CSRP3: variants seen among roughly 807,000 people sequenced by gnomAD.
CSRP3 encodes the protein cysteine and glycine-rich protein 3.
Under a neutral mutation model 24.3 loss-of-function variants are expected in CSRP3, and 24 were observed. The ratio of observed to expected loss-of-function variants is 0.99; its 90% CI spans 0.71 to 1.39. The LOEUF (loss-of-function observed/expected upper bound fraction) is 1.39, where lower values mean the gene tolerates loss of function less well. Ranked by LOEUF, CSRP3 falls within the 40% of genes most tolerant of loss-of-function variation. The pLI, the probability that CSRP3 is intolerant of heterozygous loss-of-function variation, is 0.00. For missense variants in CSRP3, 240 were observed against 249.0 expected (o/e 0.96, Z 0.24); for synonymous variants, 105 against 94.0 (o/e 1.12, Z -0.68).
chr11:19,198,322 A>G (rs532487413), intron 1 of CSRP3, among the ~76,000 whole-genome samples: 1 of 152,116 alleles, frequency 6.6e-6, no homozygotes, highest in Non-Finnish European at 1.5e-5. Context: ...CACCTCCATC[A>G]CCCAGACTTC....
chr11:19,188,655 TGG>T, intron 2 of CSRP3, among the ~76,000 whole-genome samples: 1 of 150,744 alleles, frequency 6.6e-6, no homozygotes. Flanking sequence ...TGTGTGTTTG[TGG>T]GCGCGCGCGT....
In CSRP3 at chr11:19,188,140, G is replaced by C; in HGVS notation, c.277C>G (p.Gln93Glu). 1 of 1,614,186 alleles carries C rather than the reference G, an allele frequency of 6.2e-7. No homozygotes were observed. The highest frequency in any genetic ancestry group is 8.5e-7 in the Non-Finnish European group (1 of 1,180,036). The change falls in exon 3 of 6, where the codon CAA (glutamine) becomes GAA (glutamate). Residue 93 changes from glutamine (Q) to glutamate (E), a missense_variant. Gln to Glu is a conservative substitution (Grantham distance 29). Transcript: ENST00000265968. ...DTGEHLGLQFQQSPKPARSVT... is the reference protein window; with the variant it reads ...DTGEHLGLQFEQSPKPARSVT... ...GGGAGCAGGGCAGTAACTCACTGTT[G>C]GAACTGCAGGCCGAGATGCTCGCCC...
At chr11:19,190,776 G>A (rs1850600970) in intron 2 of CSRP3, among the ~76,000 whole-genome samples, 2 of 152,162 alleles carry the variant, frequency 1.3e-5, no homozygotes, top group African/African-American at 4.8e-5. Flanking sequence ...TAATAATATA[G>A]AAAAGTGTGC....
At chr11:19,200,484 C>G (rs1425580450) in intron 1 of CSRP3, among the ~76,000 whole-genome samples, 2 of 152,180 alleles carry the variant, frequency 1.3e-5, no homozygotes, top group Admixed American at 1.3e-4. Context: ...CTCCCTCCCT[C>G]CTTCTCTCTT....
At chr11:19,194,506 G>C (rs1382408447) in intron 1 of CSRP3, among the ~76,000 whole-genome samples, 1 of 152,038 alleles carries the variant, frequency 6.6e-6, no homozygotes, top group Non-Finnish European at 1.5e-5. Context: ...TGAGGCCCCT[G>C]TCTCTACCCC....
intron 2 of CSRP3, among the ~76,000 whole-genome samples, chr11:19,189,628 G>A (rs1159861934): frequency 8.5e-5 from 13 of 152,134 alleles, no homozygotes; most frequent in Non-Finnish European, 1.3e-4. Context: ...ATTGAATATG[G>A]GAGTGGAGGA....
chr11:19,193,963 A>AGGGGAGCTGCATTTTCACT (rs1850656127), intron 1 of CSRP3, among the ~76,000 whole-genome samples: 1 of 152,216 alleles, frequency 6.6e-6, no homozygotes, highest in Non-Finnish European at 1.5e-5. Context: ...TCAGCTGCCC[A>AGGGGAGCTGCATTTTCACT]GGGGAGCTGC....
At chr11:19,186,155 T>G in intron 4 of CSRP3, 61 bp downstream of exon 4, 1 of 1,611,864 alleles carries the variant, frequency 6.2e-7, no homozygotes, top group Non-Finnish European at 8.5e-7. Context: ...TTTCTCTCAT[T>G]CCTCCCAAAT....
intron 1 of CSRP3, among the ~76,000 whole-genome samples, chr11:19,200,084 T>G (rs1850810177): frequency 1.3e-5 from 2 of 151,334 alleles, no homozygotes; most frequent in South Asian, 4.1e-4. Context: ...ACGCTTGTAC[T>G]TAGCAGGAAA....
intron 3 of CSRP3, among the ~76,000 whole-genome samples, chr11:19,187,790 TTG>T (rs1426829991): frequency 2.0e-5 from 3 of 152,218 alleles, no homozygotes; most frequent in African/African-American, 7.2e-5. Context: ...CCTGCCATAT[TTG>T]TGTGATTTAC....
rs886048097 is a variant in CSRP3, at chr11:19,185,056, C to T, written c.415-11G>A. 2.5e-6 allele frequency: 4 copies of T among 1,608,964 alleles called. No individual in the cohort carries two copies. Among genetic ancestry groups the T allele is most frequent in the Non-Finnish European group, 3.4e-6 (4 of 1,175,358 alleles). On this transcript the variant is annotated splice_polypyrimidine_tract_variant and intron_variant, in intron 4 of 5. Transcript: ENST00000265968. ...GGTCTTGTGCCAAGGCTGAGGGGCA[C>T]AGAAAAGTTGCATATTTAATGAGGT...
At chr11:19,185,139 C>T (rs1590102897) in intron 4 of CSRP3, 94 bp from the exon 5 acceptor site, 1 of 918,802 alleles carries the variant, frequency 1.1e-6, no homozygotes, top group Non-Finnish European at 1.8e-6. Flanking sequence ...AGAGGAGTGA[C>T]ACGTCTTAAC....
chr11:19,182,512 C>T lies in CSRP3; in HGVS notation c.*158G>A, dbSNP rs552831804. The T allele has an allele frequency of 3.4e-5, 24 of 713,214 alleles. No individual in the cohort carries two copies. In the African/African-American group the frequency reaches 3.5e-4, roughly 10 times the overall value. 44.2% of individuals were successfully genotyped at this position (713,214 alleles called of 1,614,324 possible). ...ACTTTACATAATTTTCTTCCAAAGG[C>T]CTCTTCTAACATTCAGTAAAGACCT... On this transcript the variant is annotated 3_prime_UTR_variant, in exon 6 of 6. Transcript: ENST00000265968.
chr11:19,197,679 G>T (rs1479450754), intron 1 of CSRP3, among the ~76,000 whole-genome samples: 1 of 151,402 alleles, frequency 6.6e-6, no homozygotes, highest in Non-Finnish European at 1.5e-5. Context: ...ATGACTTTGG[G>T]CAGAGACCTC....
chr11:19,197,568 TTTCTTTCTTC>T (rs1850761096), intron 1 of CSRP3, among the ~76,000 whole-genome samples: 8 of 146,294 alleles, frequency 5.5e-5, no homozygotes, highest in African/African-American at 2.0e-4. Context: ...TCTTTCTTTC[TTTCTTTCTTC>T]TTTCACTACC....
rs1196741398 is a variant in CSRP3 at position 19,192,506 on chromosome 11, T to C, written c.-28-30A>G. Reference sequence around the variant, plus strand: ...GGGGACATAAAGCAAATACCCTACATTGAAGTGGCCCCAGGAGTGAACCAA... The same window carrying C: ...GGGGACATAAAGCAAATACCCTACACTGAAGTGGCCCCAGGAGTGAACCAA... On this transcript the variant is annotated intron_variant, in intron 1 of 5. Transcript: ENST00000265968. 3.6e-6 allele frequency: 5 copies of C among 1,381,074 alleles called. No individual in the cohort carries two copies. The Admixed American group carries it at 5.1e-5, about 14-fold the overall frequency. 85.6% of individuals were successfully genotyped at this position (1,381,074 alleles called of 1,614,324 possible).
intron 3 of CSRP3, 108 bp downstream of exon 3, chr11:19,188,027 CA>C (rs1850554575): frequency 7.6e-7 from 1 of 1,310,216 alleles, no homozygotes; most frequent in Admixed American, 1.7e-5. Context: ...GGCAAGTCAA[CA>C]ATAGAGTCCA....
intron 1 of CSRP3, among the ~76,000 whole-genome samples, chr11:19,200,076 G>T (rs377031274): frequency 6.6e-6 from 1 of 151,706 alleles, no homozygotes; most frequent in South Asian, 2.1e-4. Context: ...TTATCAGCAC[G>T]CTTGTACTTA....
In CSRP3 at chr11:19,182,455, T is replaced by C. The variant is rs995298419; in HGVS notation, c.*215A>G. ...TTTATTGCCTCTCCCATTCCAAGCA[T>C]TATAAATAATAAAGCATTTGTTATA... On this transcript the variant is annotated 3_prime_UTR_variant, in exon 6 of 6. Transcript: ENST00000265968. The C allele has an allele frequency of 1.7e-6, 1 of 602,270 alleles. No homozygotes were observed. 37.3% of individuals were successfully genotyped at this position (602,270 alleles called of 1,614,324 possible).
Sources: allele counts gnomAD v4.1 joint callset (sites outside exome capture counted in the v4.1 genomes callset), GRCh38; gene constraint gnomAD v4.1.1; transcripts MANE v1.5; gene names NCBI Gene and HGNC (gene_info 2026-07-23, HGNC 2026-07-21).